GPC5: variants seen among roughly 807,000 people sequenced by gnomAD.
GPC5 encodes glypican-5.
A neutral mutation model predicts 53.9 loss-of-function variants in GPC5; 47 were observed. That is an observed-to-expected ratio of 0.87 (90% CI 0.69 to 1.11). The LOEUF is 1.11. Ranked by LOEUF, GPC5 falls within the 50% of genes most tolerant of loss-of-function variation. The pLI is 0.00. For synonymous variants in GPC5, 286 were observed against 263.3 expected (o/e 1.09, Z -0.84); for missense variants, 748 against 713.1 (o/e 1.05, Z -0.56).
Position 91,951,719 on chromosome 13 carries a change from T to C in GPC5, c.1401+43662T>C, listed in dbSNP as rs1422578421. Among the ~76,000 whole-genome samples the C allele has an allele frequency of 2.0e-5, 3 of 152,088 alleles. No homozygotes were observed. The East Asian group carries it at 5.8e-4, about 29-fold the overall frequency. On this transcript the variant is annotated intron_variant, in intron 6 of 7. Transcript: ENST00000377067. ...GGTTGACTACAGTAGAATTAAGGAA[T>C]AAAATTAGAGGTGTGTCTCCAAGGT... is the stretch of plus-strand genomic sequence containing the variant.
chr13:92,527,207 A>AAGAAAG (rs1881360423), intron 7 of GPC5, among the ~76,000 whole-genome samples: 1 of 33,134 alleles, frequency 3.0e-5, no homozygotes, highest in Non-Finnish European at 4.7e-5. Flanking sequence ...GAAAGAAAGA[A>AAGAAAG]AGAAAGAAAG....
intron 5 of GPC5, among the ~76,000 whole-genome samples, chr13:91,799,940 A>G (rs1290520552): frequency 6.6e-6 from 1 of 152,128 alleles, no homozygotes; most frequent in Non-Finnish European, 1.5e-5. Context: ...GAATGTTAAT[A>G]TTGGAAACAC....
intron 7 of GPC5, among the ~76,000 whole-genome samples, chr13:92,418,729 G>A (rs1876428948): frequency 2.6e-5 from 4 of 152,136 alleles, no homozygotes; most frequent in Admixed American, 2.6e-4. Flanking sequence ...TTGTGTGCAA[G>A]AAAATTAGAC....
rs1327120064 is a variant in GPC5, at chr13:92,518,462, G to A, written c.1562-347820G>A. Reference sequence around the variant, plus strand: ...AACTCTACAAGCCAGAAGAGAGTGGGGGCCAATATTCAACATTCTTAAAGA... The same window carrying A: ...AACTCTACAAGCCAGAAGAGAGTGGAGGCCAATATTCAACATTCTTAAAGA... On this transcript the variant is annotated intron_variant, in intron 7 of 7. Coordinates refer to ENST00000377067, the MANE Select transcript of GPC5 (RefSeq NM_004466.6). Among the ~76,000 whole-genome samples, 4 of 152,108 alleles carry A rather than the reference G, an allele frequency of 2.6e-5. No homozygotes were observed. In the East Asian group the frequency reaches 7.7e-4, roughly 29 times the overall value.
intron 5 of GPC5, among the ~76,000 whole-genome samples, chr13:91,773,326 A>C (rs1050283494): frequency 6.6e-6 from 1 of 152,184 alleles, no homozygotes; most frequent in Non-Finnish European, 1.5e-5. Flanking sequence ...ACATAATACA[A>C]TATAGAGAGT....
At chr13:91,986,581 T>A in intron 6 of GPC5, among the ~76,000 whole-genome samples, 1 of 152,294 alleles carries the variant, frequency 6.6e-6, no homozygotes, top group East Asian at 1.9e-4. Context: ...ATGACATGAC[T>A]CCTATAGTGA....
intron 7 of GPC5, among the ~76,000 whole-genome samples, chr13:92,640,963 G>T (rs1469967577): frequency 6.8e-6 from 1 of 146,300 alleles, no homozygotes; most frequent in Non-Finnish European, 1.5e-5. Flanking sequence ...AGTGAAAGGA[G>T]TAGTAATGGG....
chr13:92,462,133 A>G (rs1049987388), intron 7 of GPC5, among the ~76,000 whole-genome samples: 5 of 152,182 alleles, frequency 3.3e-5, no homozygotes, highest in Non-Finnish European at 7.3e-5. Flanking sequence ...AATCAGAGTG[A>G]CAGCGGAAGC....
intron 7 of GPC5, among the ~76,000 whole-genome samples, chr13:92,349,742 G>A (rs2139265284): frequency 6.6e-6 from 1 of 152,138 alleles, no homozygotes; most frequent in African/African-American, 2.4e-5. Context: ...GATTGAATCA[G>A]TAATAAAAAT....
At chr13:91,844,389 C>T (rs2038824856) in intron 5 of GPC5, among the ~76,000 whole-genome samples, 1 of 152,112 alleles carries the variant, frequency 6.6e-6, no homozygotes, top group Non-Finnish European at 1.5e-5. Context: ...TCTAACCTTA[C>T]TAGGGAATCA....
In GPC5 at chr13:92,585,394, G is replaced by A. The variant is rs117336576; in HGVS notation, c.1562-280888G>A. Among the ~76,000 whole-genome samples the A allele has an allele frequency of 3.8e-3, 584 of 152,298 alleles. 6 individuals are homozygous for A. Among genetic ancestry groups the A allele is most frequent in the East Asian group, 0.018 (95 of 5,170 alleles). On this transcript the variant is annotated intron_variant, in intron 7 of 7. Coordinates refer to ENST00000377067, the MANE Select transcript of GPC5 (RefSeq NM_004466.6). ...CTGCTTTGCTGGAATTTGGACTTGC[G>A]TGGGGCCTGTAGCCCCTTTGTTTCA...
At chr13:91,400,948 C>T (rs370567743) in intron 1 of GPC5, among the ~76,000 whole-genome samples, 20 of 152,130 alleles carry the variant, frequency 1.3e-4, no homozygotes, top group African/African-American at 4.6e-4. Flanking sequence ...AGTTCCATGA[C>T]GACAAGGAAT....
At chr13:92,125,924 G>GTTTTTTTTTTTTTTTTTTTTTTTTTTTTT (rs1190169532) in intron 6 of GPC5, among the ~76,000 whole-genome samples, 1 of 75,820 alleles carries the variant, frequency 1.3e-5, no homozygotes, top group African/African-American at 5.3e-5. Flanking sequence ...TTGTTTTTTG[G>GTTTTTTTTTTTTTTTTTTTTTTTTTTTTT]TTTTTTTTTT....
At chr13:91,980,493 T>C (rs541338359) in intron 6 of GPC5, among the ~76,000 whole-genome samples, 1 of 152,236 alleles carries the variant, frequency 6.6e-6, no homozygotes, top group East Asian at 1.9e-4. Flanking sequence ...TTCTCCCAAC[T>C]TCCAGTCAAT....
At chr13:92,597,139 G>T (rs952685481) in intron 7 of GPC5, among the ~76,000 whole-genome samples, 1 of 152,136 alleles carries the variant, frequency 6.6e-6, no homozygotes, top group Non-Finnish European at 1.5e-5. Flanking sequence ...AACATGCATT[G>T]TCAGGTCTCA....
intron 2 of GPC5, among the ~76,000 whole-genome samples, chr13:91,630,419 TA>T (rs2034126788): frequency 6.6e-6 from 1 of 152,216 alleles, no homozygotes. Context: ...CTCCCCATTC[TA>T]CCCAGGTATA....
intron 7 of GPC5, among the ~76,000 whole-genome samples, chr13:92,725,918 T>C (rs1888632556): frequency 6.6e-6 from 1 of 151,694 alleles, no homozygotes; most frequent in Non-Finnish European, 1.5e-5. Flanking sequence ...CTCTGACTTT[T>C]AGCGTAGCAC....
At chr13:92,232,217 T>C (rs967393136) in intron 7 of GPC5, among the ~76,000 whole-genome samples, 1 of 152,152 alleles carries the variant, frequency 6.6e-6, no homozygotes, top group African/African-American at 2.4e-5. Flanking sequence ...AGCAGTATTA[T>C]TGGCATGTCC....
At chr13:91,629,108 T>A (rs1305156310) in intron 2 of GPC5, among the ~76,000 whole-genome samples, 1 of 152,186 alleles carries the variant, frequency 6.6e-6, no homozygotes, top group Non-Finnish European at 1.5e-5. Flanking sequence ...TGTGATTATC[T>A]TTTTAAGTAT....
Sources: gnomAD v4.1 joint callset for allele counts (sites outside exome capture counted in the v4.1 genomes callset) on GRCh38, gnomAD v4.1.1 for gene constraint, MANE v1.5 for transcripts, NCBI Gene and HGNC (gene_info 2026-07-23, HGNC 2026-07-21) for gene names.